The following DOP1B variants were observed in gnomAD, a reference collection of about 807,000 sequenced individuals.
DOP1B encodes the protein protein DOP1B.
In DOP1B, 174 loss-of-function variants were observed where a neutral mutation model predicts 233.5. The ratio of observed to expected loss-of-function variants is 0.75; its 90% CI spans 0.66 to 0.85. The LOEUF is 0.85. DOP1B is among the 40% of genes least tolerant of loss of function. The pLI is 0.00. For missense variants in DOP1B, 2,652 were observed against 2,846.6 expected, an observed-to-expected ratio of 0.93 and a Z score of 1.56; for synonymous variants, 1,190 against 1,185.6, an observed-to-expected ratio of 1.00 and a Z score of -0.08.
chr21:36,225,704 T>C (rs2066675061), intron 12 of DOP1B, 37 bp downstream of exon 12: 2 of 1,601,812 alleles, frequency 1.2e-6, no homozygotes, highest in Non-Finnish European at 1.7e-6. Flanking sequence ...ACGCCTGCTA[T>C]TATTTACATT....
chr21:36,232,454 G>A (rs554946350), intron 14 of DOP1B, among the ~76,000 whole-genome samples: 1 of 152,136 alleles, frequency 6.6e-6, no homozygotes, highest in Non-Finnish European at 1.5e-5. Flanking sequence ...TTCTGGTGCT[G>A]GCCGGCAACC....
In DOP1B at chr21:36,214,546, G is replaced by C. The variant is rs2066538907; in HGVS notation, c.1119G>C (p.Lys373Asn). Residue 373 changes from lysine (K) to asparagine (N), a missense_variant, in exon 9 of 37, where the codon AAG becomes AAC. Transcript: ENST00000691173. ...PFRVLISLLD[K>N]PEIGPQVVGN... ...GCGTCCTCATCAGTCTGCTTGACAA[G>C]CCAGAAATAGGTAATGTTAGAAATG... 1 of 1,613,572 alleles carries C rather than the reference G, an allele frequency of 6.2e-7. No individual in the cohort carries two copies. The highest frequency in any genetic ancestry group is 8.5e-7 in the Non-Finnish European group (1 of 1,179,914).
At chr21:36,183,894 C>T (rs1440586902) in intron 2 of DOP1B, among the ~76,000 whole-genome samples, 2 of 150,406 alleles carry the variant, frequency 1.3e-5, no homozygotes, top group African/African-American at 4.9e-5. Context: ...GATGGCGTCT[C>T]ACTCTGTCGC....
chr21:36,240,513 T>C (rs2066881726), intron 18 of DOP1B, among the ~76,000 whole-genome samples: 1 of 152,132 alleles, frequency 6.6e-6, no homozygotes, highest in South Asian at 2.1e-4. Context: ...AAATAACTTA[T>C]TTGTGAACCT....
In DOP1B at chr21:36,246,255, C is replaced by G; in HGVS notation, c.4275C>G (p.Asn1425Lys). The G allele has an allele frequency of 1.2e-6, 2 of 1,613,938 alleles. No individual in the cohort carries two copies. The highest frequency in any genetic ancestry group is 8.5e-7 in the Non-Finnish European group (1 of 1,180,042). ...EDSLFEESLI[N>K]LGQDQIWSEH... Reference sequence around the variant, plus strand: ...GCCTCTTTGAGGAGAGTCTCATTAACTTGGGTCAGGACCAGATCTGGAGTG... The same window carrying G: ...GCCTCTTTGAGGAGAGTCTCATTAAGTTGGGTCAGGACCAGATCTGGAGTG... Residue 1425 changes from asparagine to lysine, a missense_variant, in exon 19 of 37, where the codon AAC becomes AAG. Transcript: ENST00000691173. This position sits in a 1 kb window ranked among gnomAD's most constrained non-coding sequence, Gnocchi z 5.1.
At chr21:36,256,788 C>T (rs1258425230) in intron 23 of DOP1B, among the ~76,000 whole-genome samples, 1 of 152,066 alleles carries the variant, frequency 6.6e-6, no homozygotes, top group Non-Finnish European at 1.5e-5. Flanking sequence ...ACTGTGTCCT[C>T]ACTCAACAAC....
intron 18 of DOP1B, among the ~76,000 whole-genome samples, chr21:36,243,711 T>A (rs2066919991): frequency 6.6e-6 from 1 of 151,890 alleles, no homozygotes; most frequent in Non-Finnish European, 1.5e-5. Context: ...CTCACTCTGT[T>A]GCCCAAGCTG....
At chr21:36,256,439 C>CA (rs764256118) in intron 23 of DOP1B, among the ~76,000 whole-genome samples, 2 of 150,536 alleles carry the variant, frequency 1.3e-5, no homozygotes, top group Admixed American at 6.6e-5. Context: ...AGACCCTGTC[C>CA]AAAAAAAAGA....
At chr21:36,257,998 G>GGTAGGTAGGTAGAT in intron 23 of DOP1B, among the ~76,000 whole-genome samples, 1 of 131,208 alleles carries the variant, frequency 7.6e-6, no homozygotes, top group East Asian at 3.5e-4. Flanking sequence ...GGTAGATGTA[G>GGTAGGTAGGTAGAT]GTAGGTAGGT....
intron 1 of DOP1B, among the ~76,000 whole-genome samples, chr21:36,158,527 C>T (rs13052293): frequency 1.9e-3 from 288 of 152,102 alleles, no homozygotes; most frequent in Middle Eastern, 3.4e-3. Context: ...TGCATGCAGC[C>T]GGGCGTGGTG....
At chr21:36,200,185 C>T in intron 3 of DOP1B, 146 bp from the exon 4 acceptor site, 1 of 1,032,538 alleles carries the variant, frequency 9.7e-7, no homozygotes, top group South Asian at 1.7e-5. Context: ...GTTTTGTGAC[C>T]ATCTCATGTC....
rs185467023 is a variant in DOP1B, at chr21:36,204,758, G to A, written c.492-3957G>A. On this transcript the variant is annotated intron_variant, in intron 4 of 36. Coordinates refer to ENST00000691173, the MANE Select transcript of DOP1B (RefSeq NM_001320714.2). ...CAACCTCCACCTCCCGGGTACAAGC[G>A]ATTCTCCTCCCTCAGCCTCCCGAGT... Among the ~76,000 whole-genome samples the A allele has an allele frequency of 7.2e-3, 1,083 of 150,304 alleles. 18 individuals carry two copies. Among genetic ancestry groups the A allele is most frequent in the African/African-American group, 0.025 (1,023 of 40,680 alleles).
Position 36,251,172 on chromosome 21 carries a change from A to G in DOP1B, c.5009A>G (p.Gln1670Arg), listed in dbSNP as rs778457826. 3.7e-6 allele frequency: 6 copies of G among 1,609,774 alleles called. No individual in the cohort carries two copies. The highest frequency in any genetic ancestry group is 5.1e-6 in the Non-Finnish European group (6 of 1,179,016). The change falls in exon 22 of 37, where the codon CAA (glutamine) becomes CGA (arginine). Residue 1670 changes from glutamine to arginine, a missense_variant. Coordinates refer to ENST00000691173, the MANE Select transcript of DOP1B (RefSeq NM_001320714.2). Reference protein sequence around the residue: ...VYFKTTKTIRQKILDFLNPLT... With the variant: ...VYFKTTKTIRRKILDFLNPLT... The stretch of plus-strand genomic sequence containing the variant: ...TTCCCTATTTTCTAGACCATAAGAC[A>G]AAAAATTTTAGACTTCTTAAACCCC...
chr21:36,232,758 C>G, intron 14 of DOP1B, 46 bp from the exon 15 acceptor site: 1 of 1,608,450 alleles, frequency 6.2e-7, no homozygotes, highest in Non-Finnish European at 8.5e-7. Flanking sequence ...GACCCATTCT[C>G]ACGTGGTTCT....
chr21:36,270,067 G>A lies in DOP1B; in HGVS notation c.5542G>A (p.Glu1848Lys). The change falls in exon 27 of 37, where the codon GAG (glutamate) becomes AAG (lysine). Residue 1848 changes from glutamate to lysine, a missense_variant. Physicochemically the swap from Glu to Lys is moderately conservative, Grantham distance 56 (BLOSUM62 1). Transcript: ENST00000691173. ...GGGGAACATTGCCGGCTCTTCCTTG[G>A]AGCAAACCAGCTGGCTAAGCAGAAA... ...AVGNIAGSSL[E>K]QTSWLSRNLE... 6.2e-7 allele frequency: 1 copy of A among 1,614,024 alleles called. No homozygotes were observed. Among genetic ancestry groups the A allele is most frequent in the South Asian group, 1.1e-5 (1 of 91,078 alleles).
In DOP1B at chr21:36,245,485, AG is replaced by A; in HGVS notation, c.3506del (p.Ser1169ThrfsTer8). 1.2e-6 allele frequency: 2 copies of A among 1,613,838 alleles called. No individual in the cohort carries two copies. Among genetic ancestry groups the A allele is most frequent in the Non-Finnish European group, 1.7e-6 (2 of 1,180,048 alleles). ...CCTGCTGGCGGCCTTCCAGTCAGAA[AG>A]CTTCAAGGCTGGGGCCAAGTTAAGC... is the stretch of plus-strand genomic sequence containing the variant. Reference protein sequence around the residue: ...SALLAAFQSESFKAGAKLSLV... With the variant: ...SALLAAFQSEXFKAGAKLSLV... On this transcript the variant is annotated frameshift_variant, in exon 19 of 37. Transcript: ENST00000691173. LOFTEE classifies it high-confidence loss of function. This position sits in a 1 kb window ranked among gnomAD's most constrained non-coding sequence, Gnocchi z 5.5.
At chr21:36,260,199 AGGAAAGGGAAGGGAAGG>A (rs1314009624) in intron 23 of DOP1B, among the ~76,000 whole-genome samples, 4 of 147,810 alleles carry the variant, frequency 2.7e-5, no homozygotes, top group African/African-American at 9.9e-5. Flanking sequence ...AGAAAGAAAA[AGGAAAGGGAAGGGAAGG>A]GGGAAGGGAA....
intron 23 of DOP1B, among the ~76,000 whole-genome samples, chr21:36,255,464 T>A (rs1405324944): frequency 1.3e-5 from 2 of 149,040 alleles, no homozygotes; most frequent in African/African-American, 2.5e-5. Flanking sequence ...TTTTTTTTTT[T>A]AAGACAGGAT....
chr21:36,202,747 A>G (rs1019848397), intron 4 of DOP1B, among the ~76,000 whole-genome samples: 8 of 152,198 alleles, frequency 5.3e-5, no homozygotes, highest in African/African-American at 9.6e-5. Context: ...AGGAGGCAGA[A>G]TCTGTCTCGT....
Sources: allele counts gnomAD v4.1 joint callset (sites outside exome capture counted in the v4.1 genomes callset), GRCh38; gene constraint gnomAD v4.1.1; non-coding constraint Gnocchi (gnomAD v3.1); transcripts MANE v1.5; gene names NCBI Gene and HGNC (gene_info 2026-07-23, HGNC 2026-07-21).